The following ZNF420 variants were observed in gnomAD, a reference collection of about 807,000 sequenced individuals.
ZNF420 encodes ATM and p53-associated KZNF protein.
In ZNF420, 31 loss-of-function variants were observed where a neutral mutation model predicts 44.7. The observed-to-expected ratio is 0.69, with a 90% CI of 0.52 to 0.94. The LOEUF (loss-of-function observed/expected upper bound fraction) is 0.94. Ranked by LOEUF, ZNF420 falls within the 40% of genes least tolerant of loss-of-function variation. The probability of loss-of-function intolerance (pLI) is 0.00; values close to 1 mark genes in which losing one functional copy is unlikely to be tolerated. For synonymous variants in ZNF420, 245 were observed against 267.4 expected (o/e 0.92, Z 0.82); for missense variants, 681 against 827.9 (o/e 0.82, Z 2.18).
chr19:37,040,901 C>T (rs73625205), intron 1 of ZNF420, among the ~76,000 whole-genome samples: 1,994 of 152,038 alleles, frequency 0.013, 47 homozygotes, highest in African/African-American at 0.045. Flanking sequence ...CCCAAATCTT[C>T]ACAGCCCCCC....
At chr19:37,013,014 C>A (rs1244025610) in intron 1 of ZNF420, among the ~76,000 whole-genome samples, 5 of 152,088 alleles carry the variant, frequency 3.3e-5, no homozygotes, top group Non-Finnish European at 4.4e-5. Flanking sequence ...GTTTTCCCTG[C>A]CGTTCCACTT....
intron 4 of ZNF420, 114 bp from the exon 5 acceptor site, chr19:37,127,014 A>G (rs1381214856): frequency 1.1e-6 from 1 of 869,572 alleles, no homozygotes; most frequent in East Asian, 2.9e-5. Context: ...AATAATCAAT[A>G]TTTGAAACAA....
At chr19:37,101,249 C>G (rs896139771) in intron 4 of ZNF420, among the ~76,000 whole-genome samples, 1 of 152,184 alleles carries the variant, frequency 6.6e-6, no homozygotes, top group African/African-American at 2.4e-5. Flanking sequence ...AATCCCAGCA[C>G]TTTGGGAAGC....
upstream of ZNF420, among the ~76,000 whole-genome samples, chr19:37,076,379 TA>T (rs1430597092): frequency 9.3e-6 from 1 of 108,042 alleles, no homozygotes; most frequent in African/African-American, 3.9e-5. Flanking sequence ...TTTTTATTTT[TA>T]TTTATTTATT....
chr19:37,077,782 A>G (rs948029509), upstream of ZNF420, among the ~76,000 whole-genome samples: 1 of 152,180 alleles, frequency 6.6e-6, no homozygotes, highest in Non-Finnish European at 1.5e-5. Context: ...GCAGATATAC[A>G]TACAGATACC....
intron 1 of ZNF420, among the ~76,000 whole-genome samples, chr19:37,060,681 C>T (rs1196065068): frequency 6.6e-6 from 1 of 151,970 alleles, no homozygotes; most frequent in Non-Finnish European, 1.5e-5. Context: ...GGGAAGCTAC[C>T]TTGGTCTCCA....
chr19:37,113,174 T>C (rs771554526), intron 4 of ZNF420, among the ~76,000 whole-genome samples: 2 of 152,212 alleles, frequency 1.3e-5, no homozygotes, highest in Non-Finnish European at 2.9e-5. Context: ...TAGAATGACA[T>C]TGACTAGCCC....
chr19:37,008,024 C>T (rs1303019959), exon 1 of ZNF420: 1 of 211,732 alleles, frequency 4.7e-6, no homozygotes, highest in Non-Finnish European at 9.5e-6. Context: ...AAACCACAGG[C>T]GGAGTCTAGG....
intron 1 of ZNF420, among the ~76,000 whole-genome samples, chr19:37,009,654 A>G (rs1026924110): frequency 1.3e-5 from 2 of 152,144 alleles, no homozygotes; most frequent in Non-Finnish European, 2.9e-5. Context: ...CCTCCCAGGG[A>G]GGAGGGAGGC....
At chr19:37,126,366 A>T (rs1971346421) in intron 4 of ZNF420, among the ~76,000 whole-genome samples, 1 of 152,160 alleles carries the variant, frequency 6.6e-6, no homozygotes, top group African/African-American at 2.4e-5. Context: ...CAGAGTTGAA[A>T]GGAAGCTAGT....
intron 1 of ZNF420, among the ~76,000 whole-genome samples, chr19:37,042,085 C>T (rs554163814): frequency 3.3e-5 from 5 of 152,266 alleles, no homozygotes; most frequent in South Asian, 2.1e-4. Flanking sequence ...CTGCAACTTC[C>T]GCCTCCCCAG....
intron 1 of ZNF420, among the ~76,000 whole-genome samples, chr19:37,035,243 C>T: frequency 6.6e-6 from 1 of 152,230 alleles, no homozygotes. Context: ...CTATAAAAGC[C>T]TTCCCTGCAA....
At chr19:37,086,458 G>T (rs901694710) in intron 2 of ZNF420, among the ~76,000 whole-genome samples, 2 of 152,170 alleles carry the variant, frequency 1.3e-5, no homozygotes, top group Non-Finnish European at 2.9e-5. Context: ...TGGTAAGTGG[G>T]TGTGGTATTC....
intron 1 of ZNF420, among the ~76,000 whole-genome samples, chr19:37,048,140 G>T (rs1967573785): frequency 9.9e-6 from 1 of 101,084 alleles, no homozygotes; most frequent in South Asian, 2.6e-4. Flanking sequence ...CTTTCCCTTA[G>T]TGCTCTGTGG....
intron 1 of ZNF420, among the ~76,000 whole-genome samples, chr19:37,034,596 G>A (rs1331208705): frequency 6.6e-6 from 1 of 152,138 alleles, no homozygotes; most frequent in Non-Finnish European, 1.5e-5. Context: ...TGCCTCATAT[G>A]TACCACTGGA....
At chr19:37,008,069 C>T (rs917058406) in exon 1 of ZNF420, 3 of 263,456 alleles carry the variant, frequency 1.1e-5, no homozygotes, top group Admixed American at 4.9e-5. Flanking sequence ...CAGGCCTGCC[C>T]GGACGGTGTG....
intron 1 of ZNF420, among the ~76,000 whole-genome samples, chr19:37,044,701 A>C (rs1174303763): frequency 6.6e-6 from 1 of 152,096 alleles, no homozygotes; most frequent in African/African-American, 2.4e-5. Flanking sequence ...CCCCATCTCT[A>C]CTAAAAATAC....
At chr19:37,024,666 T>C (rs540884814) in intron 1 of ZNF420, among the ~76,000 whole-genome samples, 1 of 152,236 alleles carries the variant, frequency 6.6e-6, no homozygotes, top group East Asian at 1.9e-4. Context: ...GCTAGGCTGG[T>C]CTCGAACTCC....
At chr19:37,045,195 A>G (rs1232799687) in intron 1 of ZNF420, among the ~76,000 whole-genome samples, 1 of 152,216 alleles carries the variant, frequency 6.6e-6, no homozygotes, top group Non-Finnish European at 1.5e-5. Context: ...TGTCTTATTT[A>G]GATAAATTCT....
Sources: gnomAD v4.1 joint callset for allele counts (sites outside exome capture counted in the v4.1 genomes callset) on GRCh38, gnomAD v4.1.1 for gene constraint, MANE v1.5 for transcripts, NCBI Gene and HGNC (gene_info 2026-07-23, HGNC 2026-07-21) for gene names.